Variants in PLXNA2 observed in about 807,000 individuals in gnomAD.
The protein encoded by PLXNA2 is plexin-A2.
Under a neutral mutation model 193.5 loss-of-function variants are expected in PLXNA2, and 91 were observed. The observed-to-expected ratio is 0.47, with a 90% CI of 0.40 to 0.56. The LOEUF is 0.56. PLXNA2 is among the 20% of genes least tolerant of loss of function. The probability of loss-of-function intolerance (pLI) is 0.00; values close to 1 mark genes in which losing one functional copy is unlikely to be tolerated. For synonymous variants in PLXNA2, 997 were observed against 1,027.3 expected, an observed-to-expected ratio of 0.97 and a Z score of 0.56; for missense variants, 1,995 against 2,503.2, an observed-to-expected ratio of 0.80 and a Z score of 4.33.
At chr1:208,121,820 C>T (rs745500315) in intron 4 of PLXNA2, among the ~76,000 whole-genome samples, 13 of 152,210 alleles carry the variant, frequency 8.5e-5, no homozygotes, top group Non-Finnish European at 1.8e-4. Context: ...CGTGTACACA[C>T]ACTCATGAAC....
At chr1:208,122,752 A>G (rs1667844378) in intron 4 of PLXNA2, among the ~76,000 whole-genome samples, 1 of 152,188 alleles carries the variant, frequency 6.6e-6, no homozygotes, top group Admixed American at 6.5e-5. Context: ...GGGAAGAGGA[A>G]CAGAGAATAA....
chr1:208,054,953 A>G (rs1314222276), intron 13 of PLXNA2, among the ~76,000 whole-genome samples: 1 of 151,992 alleles, frequency 6.6e-6, no homozygotes, highest in African/African-American at 2.4e-5. Context: ...ACATTGCTAC[A>G]CTCCCTAAAG....
At position 208,051,067 on chromosome 1, in the gene PLXNA2, A is replaced by G; in HGVS notation, c.3197T>C (p.Leu1066Pro). The G allele has an allele frequency of 6.2e-7, 1 of 1,614,126 alleles. No homozygotes were observed. The highest frequency in any genetic ancestry group is 8.5e-7 in the Non-Finnish European group (1 of 1,179,980). ...GATCCTTGGCTCCTGAATGACATCC[A>G]GGTTGAAGCCTGTGATGGTCAGGGG... ...HTPLTITGFN[L>P]DVIQEPRIRV... is the part of the protein sequence containing the mutation. Residue 1066 changes from leucine (L) to proline (P), a missense_variant, in exon 17 of 32, where the codon CTG becomes CCG. Transcript: ENST00000367033.
At chr1:208,172,049 G>T (rs1251063094) in intron 3 of PLXNA2, among the ~76,000 whole-genome samples, 2 of 142,606 alleles carry the variant, frequency 1.4e-5, no homozygotes, top group Non-Finnish European at 3.1e-5. Context: ...GGCAAAACCC[G>T]CAATTACTTC....
intron 2 of PLXNA2, among the ~76,000 whole-genome samples, chr1:208,213,075 T>G (rs1671014613): frequency 6.6e-6 from 1 of 152,146 alleles, no homozygotes; most frequent in Non-Finnish European, 1.5e-5. Flanking sequence ...GTAGCCCAAG[T>G]CAGCTTTTGA....
intron 11 of PLXNA2, among the ~76,000 whole-genome samples, chr1:208,080,146 C>A (rs141481757): frequency 3.3e-5 from 5 of 151,978 alleles, no homozygotes; most frequent in African/African-American, 1.2e-4. Flanking sequence ...GGGTTTGAGA[C>A]GGGAGTCAGC....
intron 1 of PLXNA2, among the ~76,000 whole-genome samples, chr1:208,232,032 T>C (rs1260115861): frequency 6.6e-6 from 1 of 152,188 alleles, no homozygotes; most frequent in African/African-American, 2.4e-5. Flanking sequence ...TCTTGGGCCC[T>C]GTGAATGTTT....
At chr1:208,134,499 G>A (rs1422366354) in intron 4 of PLXNA2, among the ~76,000 whole-genome samples, 1 of 152,172 alleles carries the variant, frequency 6.6e-6, no homozygotes, top group Non-Finnish European at 1.5e-5. Flanking sequence ...GTGCATCAAA[G>A]CCTTGGATTG....
At chr1:208,110,807 A>C (rs1379938531) in intron 4 of PLXNA2, among the ~76,000 whole-genome samples, 3 of 152,146 alleles carry the variant, frequency 2.0e-5, no homozygotes, top group Admixed American at 6.5e-5. Context: ...CTTCTCCTGG[A>C]GCTGCCCCAA....
At chr1:208,073,365 C>T (rs1666033305) in intron 12 of PLXNA2, among the ~76,000 whole-genome samples, 1 of 152,180 alleles carries the variant, frequency 6.6e-6, no homozygotes, top group Non-Finnish European at 1.5e-5. Context: ...CAATGGCCTG[C>T]AGGGCAGTCA....
chr1:208,041,243 C>A (rs775565080), intron 22 of PLXNA2, among the ~76,000 whole-genome samples: 2 of 152,166 alleles, frequency 1.3e-5, no homozygotes, highest in Admixed American at 6.5e-5. Context: ...GGCCTGGAAG[C>A]CTGAGACCTT....
At chr1:208,054,327 G>T in intron 14 of PLXNA2, 94 bp downstream of exon 14, 1 of 789,118 alleles carries the variant, frequency 1.3e-6, no homozygotes, top group East Asian at 2.5e-5. Flanking sequence ...AAGAAGCCTG[G>T]TGGTGGAGGG....
At chr1:208,053,485 A>G (rs1245551194) in intron 14 of PLXNA2, among the ~76,000 whole-genome samples, 1 of 152,174 alleles carries the variant, frequency 6.6e-6, no homozygotes, top group East Asian at 1.9e-4. Flanking sequence ...CTGAGAGAGG[A>G]GAGTATAAGA....
chr1:208,054,871 G>A (rs1665375869), intron 13 of PLXNA2, among the ~76,000 whole-genome samples: 1 of 152,168 alleles, frequency 6.6e-6, no homozygotes. Flanking sequence ...AGAATTTATA[G>A]AATAAAGGGA....
chr1:208,201,346 T>C (rs994190193), intron 3 of PLXNA2, among the ~76,000 whole-genome samples: 11 of 152,238 alleles, frequency 7.2e-5, no homozygotes, highest in African/African-American at 2.4e-4. Flanking sequence ...AGCCCCACCC[T>C]GGGGAGGGGG....
chr1:208,186,719 T>TGTTTTTTGTTTTTTTTTTTTG (rs56057806), intron 3 of PLXNA2, among the ~76,000 whole-genome samples: 1 of 133,832 alleles, frequency 7.5e-6, no homozygotes, highest in Non-Finnish European at 1.6e-5. Context: ...TTTTATTTTT[T>TGTTTTTTGTTTTTTTTTTTTG]TTTTTTTTTT....
intron 4 of PLXNA2, among the ~76,000 whole-genome samples, chr1:208,104,880 A>G (rs1667210811): frequency 6.6e-6 from 1 of 152,206 alleles, no homozygotes; most frequent in Non-Finnish European, 1.5e-5. Flanking sequence ...TTTAAAAAAG[A>G]CTGGTACTAT....
chr1:208,125,135 G>A (rs538108422), intron 4 of PLXNA2, among the ~76,000 whole-genome samples: 2 of 152,278 alleles, frequency 1.3e-5, no homozygotes, highest in African/African-American at 4.8e-5. Flanking sequence ...CATATTTCAT[G>A]AAATAATATA....
intron 9 of PLXNA2, 130 bp from the exon 10 acceptor site, chr1:208,084,710 G>C: frequency 1.3e-6 from 1 of 768,268 alleles, no homozygotes; most frequent in South Asian, 1.8e-5. Context: ...AAGGCCCGTG[G>C]AATGGGCAGG....
Sources: allele counts gnomAD v4.1 joint callset (sites outside exome capture counted in the v4.1 genomes callset), GRCh38; gene constraint gnomAD v4.1.1; transcripts MANE v1.5; gene names NCBI Gene and HGNC (gene_info 2026-07-23, HGNC 2026-07-21).